Variants in BRCA1 observed in about 807,000 individuals in gnomAD.
BRCA1 encodes BRCA1 DNA repair associated, also known as breast cancer type 1 susceptibility protein.
BRCA1 carries 140 observed loss-of-function variants against 173.7 expected under a neutral mutation model. That is an observed-to-expected ratio of 0.81 (90% CI 0.70 to 0.93). The LOEUF (loss-of-function observed/expected upper bound fraction) is 0.93, where lower values mean the gene tolerates loss of function less well. Ranked by LOEUF, BRCA1 falls within the 40% of genes least tolerant of loss-of-function variation. BRCA1 has a pLI of 0.00. For synonymous variants in BRCA1, 662 were observed against 756.0 expected (o/e 0.88, Z 2.04); for missense variants, 1,983 against 2,172.5 (o/e 0.91, Z 1.73).
intron 3 of BRCA1, among the ~76,000 whole-genome samples, chr17:43,108,752 C>G (rs992368749): frequency 2.7e-5 from 4 of 145,802 alleles, no homozygotes; most frequent in African/African-American, 1.0e-4. Context: ...CGGTGGCTCA[C>G]GCCTGTAATC....
intron 1 of BRCA1, among the ~76,000 whole-genome samples, chr17:43,156,585 G>A (rs1231589705): frequency 6.6e-6 from 1 of 152,184 alleles, no homozygotes; most frequent in African/African-American, 2.4e-5. Flanking sequence ...GGGACCAAAT[G>A]TGACTTTAAA....
chr17:43,049,229 T>G lies in BRCA1; in HGVS notation c.5333-35A>C, dbSNP rs775618857. ...ACATTTAGATGTAAAATCACTGCAG[T>G]AATCTGCATACTTAACCCAGGCCCT... On this transcript the variant is annotated intron_variant, in intron 20 of 22. Coordinates refer to ENST00000357654, the MANE Select transcript of BRCA1 (RefSeq NM_007294.4). The G allele has an allele frequency of 3.2e-6, 5 of 1,574,798 alleles. No homozygotes were observed. Among genetic ancestry groups the G allele is most frequent in the Non-Finnish European group, 4.4e-6 (5 of 1,144,572 alleles).
chr17:43,131,909 A>G (rs1388040980), intron 1 of BRCA1, among the ~76,000 whole-genome samples: 1 of 151,974 alleles, frequency 6.6e-6, no homozygotes, highest in Non-Finnish European at 1.5e-5. Context: ...TCAGCCTCCC[A>G]AGTAGCTGGG....
At chr17:43,147,135 G>A (rs1015455298) in intron 1 of BRCA1, among the ~76,000 whole-genome samples, 2 of 152,188 alleles carry the variant, frequency 1.3e-5, no homozygotes, top group Non-Finnish European at 2.9e-5. Flanking sequence ...CCAAGTAGCT[G>A]AGATTACAGG....
At chr17:43,079,431 G>A (rs1005470644) in intron 12 of BRCA1, 3 of 1,550,852 alleles carry the variant, frequency 1.9e-6, no homozygotes, top group South Asian at 1.1e-5. Flanking sequence ...AGACATCAAG[G>A]GAACGGGTAC....
chr17:43,071,273 G>C (rs1162815279), intron 14 of BRCA1, 35 bp from the exon 15 acceptor site: 1 of 1,597,646 alleles, frequency 6.3e-7, no homozygotes, highest in East Asian at 2.2e-5. Context: ...TTTACACAAC[G>C]ATGAATGTTG....
chr17:43,079,976 T>C (rs942232297), intron 12 of BRCA1, among the ~76,000 whole-genome samples: 7 of 152,222 alleles, frequency 4.6e-5, no homozygotes, highest in Non-Finnish European at 7.3e-5. Context: ...TCTGCTTTTT[T>C]TTCTCCTTAA....
chr17:43,082,255 A>G, intron 12 of BRCA1, 149 bp downstream of exon 12: 1 of 885,444 alleles, frequency 1.1e-6, no homozygotes, highest in Non-Finnish European at 1.7e-6. Context: ...ATTAGTTGTG[A>G]GCAGGGACAA....
At position 43,150,868 on chromosome 17, in the gene BRCA1, A is replaced by G. The variant is rs188793970; in HGVS notation, c.-20+19258T>C. 3.3e-5 allele frequency among the ~76,000 whole-genome samples: 5 copies of G among 152,326 alleles called. No individual in the cohort carries two copies. The East Asian group carries it at 9.6e-4, about 29-fold the overall frequency. On this transcript the variant is annotated intron_variant, in intron 1 of 7. Coordinates refer to the BRCA1 transcript ENST00000634433. Reference sequence around the variant, plus strand: ...CAAAGAGTCTCTCAGTTTTAGTACTAAAAGTCCTAAATCCCAGGAAACCTC... The same window carrying G: ...CAAAGAGTCTCTCAGTTTTAGTACTGAAAGTCCTAAATCCCAGGAAACCTC...
chr17:43,129,267 A>AT (rs754434376), upstream of BRCA1, among the ~76,000 whole-genome samples: 2 of 152,124 alleles, frequency 1.3e-5, no homozygotes, highest in African/African-American at 4.8e-5. Context: ...TGCTGAAAGA[A>AT]TTTTTTTACA....
intron 3 of BRCA1, among the ~76,000 whole-genome samples, chr17:43,107,257 G>A (rs1036248507): frequency 4.0e-5 from 6 of 151,302 alleles, no homozygotes; most frequent in East Asian, 3.9e-4. Flanking sequence ...TAGAGACGGG[G>A]TTTCACCATG....
intron 15 of BRCA1, among the ~76,000 whole-genome samples, chr17:43,068,278 A>G (rs1214314519): frequency 6.7e-6 from 1 of 148,592 alleles, no homozygotes; most frequent in Admixed American, 6.7e-5. Flanking sequence ...CTCCGTCTCA[A>G]AAAAAAAAAA....
intron 1 of BRCA1, chr17:43,166,148 G>C (rs1273651170): frequency 2.0e-5 from 3 of 150,072 alleles, no homozygotes; most frequent in African/African-American, 7.4e-5. Flanking sequence ...GTGTGTGTGT[G>C]TGTGTGTCTC....
intron 1 of BRCA1, among the ~76,000 whole-genome samples, chr17:43,150,316 G>T (rs763111743): frequency 6.6e-6 from 1 of 151,984 alleles, no homozygotes; most frequent in Non-Finnish European, 1.5e-5. Context: ...CATCATGTTG[G>T]CCAGGCTGGT....
upstream of BRCA1, among the ~76,000 whole-genome samples, chr17:43,126,861 G>GGGGCTGCGCGCAGCGCTCGCC (rs2055892185): frequency 2.0e-5 from 3 of 152,248 alleles, no homozygotes; most frequent in South Asian, 6.2e-4. Context: ...TGTGGGAACT[G>GGGGCTGCGCGCAGCGCTCGCC]GGGCTGCGCG....
Position 43,103,278 on chromosome 17 carries a change from C to A in BRCA1, c.441+844G>T, listed in dbSNP as rs557800624. Among the ~76,000 whole-genome samples, 13 of 151,920 alleles carry A rather than the reference C, an allele frequency of 8.6e-5. No homozygotes were observed. In the South Asian group the frequency reaches 2.7e-3, roughly 32 times the overall value. On this transcript the variant is annotated intron_variant, in intron 6 of 22. Transcript: ENST00000357654. ...GGTCAGGAGTTCGAGACCAGCCTGA[C>A]CAATATGGTGAAACCCCGACTCTAC... is the stretch of plus-strand genomic sequence containing the variant.
intron 1 of BRCA1, chr17:43,163,376 A>G (rs2056248593): frequency 6.6e-6 from 1 of 152,116 alleles, no homozygotes; most frequent in African/African-American, 2.4e-5. Context: ...TTTTCTTTTA[A>G]CTCATGAAAA....
chr17:43,070,819 T>C, intron 15 of BRCA1, 109 bp downstream of exon 15: 2 of 1,293,870 alleles, frequency 1.5e-6, no homozygotes, highest in Non-Finnish European at 2.2e-6. Flanking sequence ...ACTGTGATTG[T>C]TTTCTAGATT....
rs1555588796 is a variant in BRCA1, at chr17:43,092,653, C to A, written c.2878G>T (p.Gly960Cys). 1 of 1,614,008 alleles carries A rather than the reference C, an allele frequency of 6.2e-7. No individual in the cohort carries two copies. The highest frequency in any genetic ancestry group is 8.5e-7 in the Non-Finnish European group (1 of 1,180,000). Reference sequence around the variant, plus strand: ...GGAGTAATGAGTCCAGTTTCGTTGCCTCTGAACTGAGATGATAGACAAAAC... The same window carrying A: ...GGAGTAATGAGTCCAGTTTCGTTGCATCTGAACTGAGATGATAGACAAAAC... Reference protein sequence around the residue: ...SRFCLSSQFRGNETGLITPNK... With the variant: ...SRFCLSSQFRCNETGLITPNK... Residue 960 changes from glycine (G) to cysteine (C), a missense_variant, in exon 10 of 23, where the codon GGC (glycine) becomes TGC (cysteine). Gly to Cys is a radical substitution (Grantham distance 159). Transcript: ENST00000357654.
Sources: allele counts gnomAD v4.1 joint callset (sites outside exome capture counted in the v4.1 genomes callset), GRCh38; gene constraint gnomAD v4.1.1; transcripts MANE v1.5; gene names NCBI Gene and HGNC (gene_info 2026-07-23, HGNC 2026-07-21).